The following KHDRBS2 variants were observed in gnomAD, a reference collection of about 807,000 sequenced individuals.
KHDRBS2 encodes the protein KH RNA binding domain containing, signal transduction associated 2, also known as KH domain-containing, RNA-binding, signal transduction-associated protein 2.
In KHDRBS2, 26 loss-of-function variants were observed where a neutral mutation model predicts 44.3. The ratio of observed to expected loss-of-function variants is 0.59; its 90% CI spans 0.43 to 0.81. The LOEUF (loss-of-function observed/expected upper bound fraction) is 0.81. Among genes scored for constraint, KHDRBS2 ranks in the 40% least tolerant of loss-of-function variants. KHDRBS2 has a pLI of 0.00. For missense variants in KHDRBS2, 476 were observed against 433.1 expected (o/e 1.10, Z -0.88); for synonymous variants, 194 against 151.1 (o/e 1.28, Z -2.08).
At chr6:61,605,980 GCCGGTCCCTGC>G in the KHDRBS2 span, among the ~76,000 whole-genome samples, 1 of 152,110 alleles carries the variant, frequency 6.6e-6, no homozygotes, top group African/African-American at 2.4e-5. Context: ...AGTGAAAATG[GCCGGTCCCTGC>G]CTTAAATGAT....
At chr6:61,650,115 C>A in the KHDRBS2 span, among the ~76,000 whole-genome samples, 2 of 152,126 alleles carry the variant, frequency 1.3e-5, no homozygotes, top group African/African-American at 4.8e-5. Context: ...TTTCTGCCTG[C>A]ATTATGCAGC....
At chr6:62,185,249 G>A (rs1180766388) in intron 1 of KHDRBS2, among the ~76,000 whole-genome samples, 1 of 151,838 alleles carries the variant, frequency 6.6e-6, no homozygotes, top group Non-Finnish European at 1.5e-5. Flanking sequence ...TTAGGCCAAA[G>A]CAGAATAGGA....
intron 6 of KHDRBS2, among the ~76,000 whole-genome samples, chr6:61,790,437 A>C (rs1327907319): frequency 1.3e-5 from 2 of 151,364 alleles, no homozygotes; most frequent in Non-Finnish European, 3.0e-5. Context: ...AGAGGCAGAC[A>C]ACAGCAGCCT....
chr6:61,568,323 G>C, the KHDRBS2 span, among the ~76,000 whole-genome samples: 2 of 152,054 alleles, frequency 1.3e-5, no homozygotes, highest in African/African-American at 4.8e-5. Flanking sequence ...GGCTGCTCAG[G>C]CTCTCTTTAA....
intron 4 of KHDRBS2, among the ~76,000 whole-genome samples, chr6:61,970,079 T>C (rs1770998409): frequency 6.6e-6 from 1 of 152,132 alleles, no homozygotes; most frequent in South Asian, 2.1e-4. Flanking sequence ...AAAGTTACAA[T>C]TGACTCATTT....
the KHDRBS2 span, chr6:61,652,187 GAA>G: frequency 6.6e-6 from 1 of 152,040 alleles, no homozygotes; most frequent in Non-Finnish European, 1.5e-5. Flanking sequence ...TAATTGGAAA[GAA>G]ATCTTCACTG....
intron 1 of KHDRBS2, among the ~76,000 whole-genome samples, chr6:62,180,065 TAG>T (rs1821939354): frequency 6.6e-6 from 1 of 151,766 alleles, no homozygotes; most frequent in Non-Finnish European, 1.5e-5. Context: ...TATGACTGCA[TAG>T]TAAACCATCA....
intron 1 of KHDRBS2, among the ~76,000 whole-genome samples, chr6:62,196,041 G>A (rs1460869480): frequency 6.6e-6 from 1 of 152,128 alleles, no homozygotes; most frequent in Non-Finnish European, 1.5e-5. Context: ...CATTCTGGGT[G>A]AGTGAGTGGA....
chr6:62,025,824 T>C (rs1414854127), intron 3 of KHDRBS2, among the ~76,000 whole-genome samples: 1 of 152,084 alleles, frequency 6.6e-6, no homozygotes, highest in Non-Finnish European at 1.5e-5. Context: ...AGCTTTTGCT[T>C]ATTATTTCAC....
intron 4 of KHDRBS2, among the ~76,000 whole-genome samples, chr6:61,914,794 G>T (rs61337484): frequency 0.01 from 1,574 of 151,966 alleles, 27 homozygotes; most frequent in African/African-American, 0.036. Flanking sequence ...ATCTTGCTTA[G>T]GAAAAAATTA....
the KHDRBS2 span, among the ~76,000 whole-genome samples, chr6:61,551,015 A>G: frequency 6.6e-6 from 1 of 152,010 alleles, no homozygotes; most frequent in Non-Finnish European, 1.5e-5. Flanking sequence ...CTCGAGTGAT[A>G]TGCCTATTGC....
intron 2 of KHDRBS2, among the ~76,000 whole-genome samples, chr6:62,065,936 C>T (rs1043833913): frequency 1.3e-5 from 2 of 151,594 alleles, no homozygotes; most frequent in Non-Finnish European, 2.9e-5. Context: ...TATGCTTCTG[C>T]ATTGTTTTTT....
Position 61,685,000 on chromosome 6 carries a change from A to C in KHDRBS2, c.953-3940T>G, listed in dbSNP as rs542414067. Reference sequence around the variant, plus strand: ...TGCCAGTTACTATACTATGTCCTGCATATAAGGACAGTTTAAGGGGCCCAT... The same window carrying C: ...TGCCAGTTACTATACTATGTCCTGCCTATAAGGACAGTTTAAGGGGCCCAT... On this transcript the variant is annotated intron_variant, in intron 8 of 8. Transcript: ENST00000281156. Among the ~76,000 whole-genome samples the C allele has an allele frequency of 2.6e-5, 4 of 151,856 alleles. No individual in the cohort carries two copies. The Admixed American group carries it at 2.6e-4, about 10-fold the overall frequency.
chr6:61,797,428 A>C (rs1165192257), intron 6 of KHDRBS2, among the ~76,000 whole-genome samples: 1 of 152,202 alleles, frequency 6.6e-6, no homozygotes, highest in Non-Finnish European at 1.5e-5. Context: ...GAGAAGCATA[A>C]GTATGTCTGG....
At chr6:61,711,612 T>G (rs971424917) in intron 7 of KHDRBS2, among the ~76,000 whole-genome samples, 2 of 151,814 alleles carry the variant, frequency 1.3e-5, no homozygotes, top group African/African-American at 4.8e-5. Context: ...AACTACAACT[T>G]CAGATTATGT....
chr6:61,733,470 C>T (rs1437907942), intron 6 of KHDRBS2, among the ~76,000 whole-genome samples: 2 of 152,104 alleles, frequency 1.3e-5, no homozygotes, highest in African/African-American at 4.8e-5. Context: ...TGGTGTGCAC[C>T]TGTAATCCCA....
At chr6:61,781,840 T>G (rs1056640722) in intron 6 of KHDRBS2, among the ~76,000 whole-genome samples, 2 of 152,092 alleles carry the variant, frequency 1.3e-5, no homozygotes, top group African/African-American at 2.4e-5. Flanking sequence ...TTTGACTTTG[T>G]CCCCCTCACT....
the KHDRBS2 span, among the ~76,000 whole-genome samples, chr6:61,555,866 C>A: frequency 6.6e-6 from 1 of 152,160 alleles, no homozygotes; most frequent in Non-Finnish European, 1.5e-5. Context: ...TCTTCTCTGG[C>A]CCACTGAGGT....
At chr6:62,256,140 G>GA (rs70996213) in intron 1 of KHDRBS2, among the ~76,000 whole-genome samples, 43,831 of 149,634 alleles carry the variant, frequency 0.29, 7,743 homozygotes, top group Middle Eastern at 0.44. Flanking sequence ...AACTCCGAAA[G>GA]AAAAAAAAAC....
Sources: allele counts gnomAD v4.1 joint callset (sites outside exome capture counted in the v4.1 genomes callset), GRCh38; gene constraint gnomAD v4.1.1; transcripts MANE v1.5; gene names NCBI Gene and HGNC (gene_info 2026-07-23, HGNC 2026-07-21).